Variants in KMT2C observed in about 807,000 individuals in gnomAD.
KMT2C encodes the protein lysine methyltransferase 2C.
KMT2C carries 88 observed loss-of-function variants against 507.9 expected under a neutral mutation model. The ratio of observed to expected loss-of-function variants is 0.17; its 90% CI spans 0.15 to 0.21. The LOEUF (loss-of-function observed/expected upper bound fraction) is 0.21, where lower values mean the gene tolerates loss of function less well. KMT2C is among the 10% of genes least tolerant of loss of function. The probability of loss-of-function intolerance (pLI) is 1.00; values close to 1 mark genes in which losing one functional copy is unlikely to be tolerated. For synonymous variants in KMT2C, 2,049 were observed against 2,080.8 expected, an observed-to-expected ratio of 0.98 and a Z score of 0.42; for missense variants, 4,954 against 5,957.8, an observed-to-expected ratio of 0.83 and a Z score of 5.55.
At chr7:152,380,142 G>A (rs1296562844) in intron 1 of KMT2C, among the ~76,000 whole-genome samples, 1 of 152,290 alleles carries the variant, frequency 6.6e-6, no homozygotes, top group Non-Finnish European at 1.5e-5. Context: ...TGAGGCAGGA[G>A]AATCACTTGA....
At chr7:152,364,608 C>CAAAAAAAAA (rs2097222739) in intron 1 of KMT2C, among the ~76,000 whole-genome samples, 1 of 115,988 alleles carries the variant, frequency 8.6e-6, no homozygotes, top group African/African-American at 6.6e-5. Context: ...GACTCCGTCT[C>CAAAAAAAAA]CAAAAAAAAA....
intron 3 of KMT2C, among the ~76,000 whole-genome samples, chr7:152,330,274 T>TA (rs1451255485): frequency 6.6e-6 from 1 of 152,084 alleles, no homozygotes; most frequent in African/African-American, 2.4e-5. Context: ...AACTTAAGTT[T>TA]ACAGGTAAGT....
rs761180962 is a variant in KMT2C, at chr7:152,136,793, T to G, written c.*39A>C. 2.1e-6 allele frequency: 3 copies of G among 1,455,422 alleles called. No individual in the cohort carries two copies. The highest frequency in any genetic ancestry group is 2.9e-6 in the Non-Finnish European group (3 of 1,036,528). The allele number at this position is 1,455,422 out of a possible 1,614,324, so 90.2% of individuals were successfully genotyped here. A position where few individuals can be genotyped will look rare whatever the true frequency, so the allele number is the denominator to read the frequency against. ...AATGGTGTGTTGAATCGCCTCTTCC[T>G]AGGGACAAGCCGCCCGCTGAGCTAG... On this transcript the variant is annotated 3_prime_UTR_variant, in exon 59 of 59. Transcript: ENST00000262189.
intron 1 of KMT2C, among the ~76,000 whole-genome samples, chr7:152,422,391 G>A (rs1041615753): frequency 2.6e-5 from 4 of 151,736 alleles, no homozygotes; most frequent in African/African-American, 4.8e-5. Context: ...GGAGGCGGAG[G>A]TTGCAGTGAG....
rs557905126 is a variant in KMT2C at position 152,422,530 on chromosome 7, C to T, written c.161+13096G>A. On this transcript the variant is annotated intron_variant, in intron 1 of 58. Coordinates refer to ENST00000262189, the MANE Select transcript of KMT2C (RefSeq NM_170606.3). ...TTGAAAGCAGTCACTACCAATCAAC[C>T]GGGCCTCAACATGAAATTATCTGCC... Among the ~76,000 whole-genome samples the T allele has an allele frequency of 9.2e-5, 14 of 152,166 alleles. No individual in the cohort carries two copies. The South Asian group carries it at 2.3e-3, about 25-fold the overall frequency.
At chr7:152,392,218 T>C (rs1433038209) in intron 1 of KMT2C, among the ~76,000 whole-genome samples, 3 of 152,122 alleles carry the variant, frequency 2.0e-5, no homozygotes, top group Admixed American at 2.0e-4. Flanking sequence ...CCCACAACCC[T>C]ACCTACCTCT....
intron 9 of KMT2C, among the ~76,000 whole-genome samples, chr7:152,254,316 G>A (rs1193771512): frequency 6.6e-6 from 1 of 151,780 alleles, no homozygotes; most frequent in African/African-American, 2.4e-5. Context: ...AAGGAGAAAA[G>A]AAAAACAATC....
At chr7:152,333,300 T>C (rs1375845826) in intron 2 of KMT2C, among the ~76,000 whole-genome samples, 1 of 152,072 alleles carries the variant, frequency 6.6e-6, no homozygotes, top group East Asian at 1.9e-4. Flanking sequence ...TTCTTTTTCA[T>C]TTTTTTGTAG....
At chr7:152,210,681 A>G (rs1009189426) in intron 23 of KMT2C, among the ~76,000 whole-genome samples, 1 of 152,172 alleles carries the variant, frequency 6.6e-6, no homozygotes, top group African/African-American at 2.4e-5. Flanking sequence ...CAGAGACCTG[A>G]GAACATAAAA....
chr7:152,199,208 A>C, intron 27 of KMT2C, 71 bp downstream of exon 27: 1 of 1,293,322 alleles, frequency 7.7e-7, no homozygotes. Context: ...AAACATTTCA[A>C]AAAGATTTAA....
At chr7:152,263,925 G>T (rs1178981868) in intron 8 of KMT2C, among the ~76,000 whole-genome samples, 1 of 152,158 alleles carries the variant, frequency 6.6e-6, no homozygotes, top group East Asian at 1.9e-4. Flanking sequence ...AAGAAGAGCT[G>T]AGAGAGGAAT....
At chr7:152,343,317 A>T (rs981035921) in intron 2 of KMT2C, among the ~76,000 whole-genome samples, 2 of 152,138 alleles carry the variant, frequency 1.3e-5, no homozygotes, top group African/African-American at 2.4e-5. Context: ...AGATTTTTTT[A>T]AAACTAACAG....
intron 1 of KMT2C, among the ~76,000 whole-genome samples, chr7:152,430,272 T>A (rs962664708): frequency 6.6e-6 from 1 of 151,152 alleles, no homozygotes; most frequent in Non-Finnish European, 1.5e-5. Flanking sequence ...ATAACCACTG[T>A]AGCACAAACA....
At chr7:152,378,833 G>C (rs945124731) in intron 1 of KMT2C, among the ~76,000 whole-genome samples, 9 of 152,164 alleles carry the variant, frequency 5.9e-5, no homozygotes, top group African/African-American at 2.2e-4. Flanking sequence ...TATTATGTCA[G>C]AAGTTCTCAG....
At position 152,177,419 on chromosome 7, in the gene KMT2C, G is replaced by A. The variant is rs2129114777; in HGVS notation, c.8034C>T (p.Thr2678=). Reference sequence around the variant, plus strand: ...CCTCTAGACCATCAGAAGGCTGGGTGGTTATCTGTAAATTATCAGACGTTG... The same window carrying A: ...CCTCTAGACCATCAGAAGGCTGGGTAGTTATCTGTAAATTATCAGACGTTG... ...SETTSDNLQI[T]TQPSDGLEEK... The change falls in exon 38 of 59, where the codon ACC becomes ACT. Residue 2678 remains threonine, a synonymous_variant. Transcript: ENST00000262189. 6.2e-7 allele frequency: 1 copy of A among 1,614,134 alleles called. No individual in the cohort carries two copies. The highest frequency in any genetic ancestry group is 8.5e-7 in the Non-Finnish European group (1 of 1,179,994).
intron 6 of KMT2C, among the ~76,000 whole-genome samples, chr7:152,296,853 G>A (rs1240483899): frequency 6.6e-6 from 1 of 151,196 alleles, no homozygotes; most frequent in Non-Finnish European, 1.5e-5. Flanking sequence ...AAAAAATGAA[G>A]ACATGGCAGG....
chr7:152,148,133 G>A lies in KMT2C; in HGVS notation c.13794C>T (p.Tyr4598=), dbSNP rs750464962. ...STRYANRRCR[Y]LCSIEEKDGR... is the part of the protein sequence containing the mutation. ...CATCCTTCTCCTCAATGGAGCACAG[G>A]TAGCGGCAGCGCCTATTGGCATAGC... Residue 4598 remains tyrosine (Y), a synonymous_variant, in exon 52 of 59, where the codon TAC becomes TAT. Transcript: ENST00000262189. The surrounding 1 kb of genome is among the most constrained non-coding windows in gnomAD (Gnocchi z 7.1). 10 of 1,613,854 alleles carry A rather than the reference G, an allele frequency of 6.2e-6. No homozygotes were observed. In the South Asian group the frequency reaches 8.8e-5, roughly 14 times the overall value.
rs750565849 is a variant in KMT2C, at chr7:152,180,836, T to C, written c.7024A>G (p.Met2342Val). 5.0e-5 allele frequency: 80 copies of C among 1,613,914 alleles called. No individual in the cohort carries two copies. The highest frequency in any genetic ancestry group is 6.7e-5 in the African/African-American group (5 of 74,864). ...GAGAACTGCTGGCCTTGGGAGTGCATTGGAGAGTTTGAAGATGCACAGAAG... is the reference window on the plus strand; with the variant it reads ...GAGAACTGCTGGCCTTGGGAGTGCACTGGAGAGTTTGAAGATGCACAGAAG... ...GSFCASSNSP[M>V]HSQGQQFSGV... Residue 2342 changes from methionine to valine, a missense_variant, in exon 36 of 59, where the codon ATG (methionine) becomes GTG (valine). Physicochemically the swap from Met to Val is conservative, Grantham distance 21 (BLOSUM62 1). Transcript: ENST00000262189.
chr7:152,332,851 A>AACACACACAC (rs35781658), intron 2 of KMT2C, among the ~76,000 whole-genome samples: 3,333 of 138,518 alleles, frequency 0.024, 78 homozygotes, highest in African/African-American at 0.056. Flanking sequence ...TGCGTCTCAA[A>AACACACACAC]ACACACACAC....
Sources: allele counts gnomAD v4.1 joint callset (sites outside exome capture counted in the v4.1 genomes callset), GRCh38; gene constraint gnomAD v4.1.1; non-coding constraint Gnocchi (gnomAD v3.1); transcripts MANE v1.5; gene names NCBI Gene and HGNC (gene_info 2026-07-23, HGNC 2026-07-21).